MCF2L2: variants seen among roughly 807,000 people sequenced by gnomAD.
MCF2L2 encodes the protein MCF.2 cell line derived transforming sequence-like 2, also known as probable guanine nucleotide exchange factor MCF2L2.
A neutral mutation model predicts 150.2 loss-of-function variants in MCF2L2; 102 were observed. The observed-to-expected ratio is 0.68, with a 90% CI of 0.58 to 0.80. The LOEUF (loss-of-function observed/expected upper bound fraction) is 0.80, where lower values mean the gene tolerates loss of function less well. Among genes scored for constraint, MCF2L2 ranks in the 30% least tolerant of loss-of-function variants. The pLI is 0.00. For synonymous variants in MCF2L2, 465 were observed against 491.3 expected (o/e 0.95, Z 0.71); for missense variants, 1,256 against 1,372.8 (o/e 0.91, Z 1.34).
Position 183,270,760 on chromosome 3 carries a change from C to T in MCF2L2, c.1862+6112G>A. The T allele has an allele frequency of 3.7e-6, 6 of 1,613,674 alleles. No individual in the cohort carries two copies. The highest frequency in any genetic ancestry group is 2.2e-5 in the East Asian group (1 of 44,894). Reference sequence around the variant, plus strand: ...CCCTGCATCTATGAAAAAATGATGACATCTCATGGACACTTAGAAGATCTC... The same window carrying T: ...CCCTGCATCTATGAAAAAATGATGATATCTCATGGACACTTAGAAGATCTC... On this transcript the variant is annotated intron_variant, in intron 15 of 29. Transcript: ENST00000328913. The surrounding 1 kb of genome is among the most constrained non-coding windows in gnomAD (Gnocchi z 4.5).
At chr3:183,279,013 C>T (rs1401087486) in intron 14 of MCF2L2, among the ~76,000 whole-genome samples, 1 of 152,154 alleles carries the variant, frequency 6.6e-6, no homozygotes, top group African/African-American at 2.4e-5. Context: ...ATTGAGGATG[C>T]AATGAGAAGG....
intron 1 of MCF2L2, among the ~76,000 whole-genome samples, chr3:183,419,978 C>A (rs1268250563): frequency 6.6e-6 from 1 of 152,236 alleles, no homozygotes; most frequent in Non-Finnish European, 1.5e-5. Flanking sequence ...AAGGCAGGGG[C>A]AAAATGCCAC....
chr3:183,279,769 G>A (rs1276649919), intron 14 of MCF2L2, among the ~76,000 whole-genome samples: 7 of 152,222 alleles, frequency 4.6e-5, no homozygotes, highest in Non-Finnish European at 7.3e-5. Flanking sequence ...GGTGGCTCAC[G>A]CCTGTAATCC....
chr3:183,202,732 A>G (rs989937440), intron 25 of MCF2L2, among the ~76,000 whole-genome samples: 125 of 152,268 alleles, frequency 8.2e-4, no homozygotes, highest in African/African-American at 3.0e-3. Context: ...AGTTTAGAAA[A>G]GTCACTATAA....
intron 4 of MCF2L2, among the ~76,000 whole-genome samples, chr3:183,339,159 T>C (rs902029335): frequency 6.6e-6 from 1 of 152,210 alleles, no homozygotes. Flanking sequence ...TTTCTGATTA[T>C]AAAAATAATT....
chr3:183,289,131 A>C lies in MCF2L2; in HGVS notation c.1765T>G (p.Phe589Val). The C allele has an allele frequency of 6.2e-7, 1 of 1,612,250 alleles. No homozygotes were observed. Among genetic ancestry groups the C allele is most frequent in the Non-Finnish European group, 8.5e-7 (1 of 1,178,346 alleles). ...AAAGGTAATTTTACCTTGACTTCAAATTTAGTCTCATCATCTTCCTTTCCC... is the reference window on the plus strand; with the variant it reads ...AAAGGTAATTTTACCTTGACTTCAACTTTAGTCTCATCATCTTCCTTTCCC... ...SRGKEDDETK[F>V]EVKSEEIFES... The change falls in exon 14 of 30, where the codon TTT (phenylalanine) becomes GTT (valine). Residue 589 changes from phenylalanine to valine, a missense_variant. Transcript: ENST00000328913.
chr3:183,423,507 T>A (rs1172068413), intron 1 of MCF2L2, among the ~76,000 whole-genome samples: 1 of 151,950 alleles, frequency 6.6e-6, no homozygotes, highest in Admixed American at 6.6e-5. Context: ...TTTAGAACAA[T>A]GATAAGATCA....
Position 183,321,450 on chromosome 3 carries a change from AAAAG to A in MCF2L2, c.603+1781_603+1784del, listed in dbSNP as rs1434926906. On this transcript the variant is annotated intron_variant, in intron 6 of 29. Transcript: ENST00000328913. ...AAGACTCTGTCTCAAAAAAAAAAAA[AAAAG>A]AAAGAAAGAAAAAGAAACCAAATAT... 2.8e-4 allele frequency among the ~76,000 whole-genome samples: 42 copies of A among 151,912 alleles called. 1 individual carries two copies. Among genetic ancestry groups the A allele is most frequent in the African/African-American group, 3.6e-4 (15 of 41,496 alleles).
At chr3:183,366,217 A>T (rs1712511905) in intron 3 of MCF2L2, among the ~76,000 whole-genome samples, 1 of 152,232 alleles carries the variant, frequency 6.6e-6, no homozygotes, top group Non-Finnish European at 1.5e-5. Context: ...TAGCATTGTT[A>T]TCAGTAACAC....
In MCF2L2 at chr3:183,245,513, C is replaced by T. The variant is rs1200724949; in HGVS notation, c.1863-14496G>A. Among the ~76,000 whole-genome samples the T allele has an allele frequency of 1.2e-4, 18 of 152,094 alleles. No homozygotes were observed. In the East Asian group the frequency reaches 3.5e-3, roughly 29 times the overall value. ...GGCCACGAGTGTGGATGAGTGCTGGCCAGGGGAGGTATAGGAGATTGATGG... is the reference window on the plus strand; with the variant it reads ...GGCCACGAGTGTGGATGAGTGCTGGTCAGGGGAGGTATAGGAGATTGATGG... On this transcript the variant is annotated intron_variant, in intron 15 of 29. Coordinates refer to ENST00000328913, the MANE Select transcript of MCF2L2 (RefSeq NM_015078.4).
At chr3:183,387,418 C>A (rs1000726394) in intron 2 of MCF2L2, among the ~76,000 whole-genome samples, 12 of 152,150 alleles carry the variant, frequency 7.9e-5, no homozygotes, top group Non-Finnish European at 1.5e-4. Flanking sequence ...CTCTGTTCTA[C>A]GTTAGGGAGT....
At chr3:183,422,227 A>G (rs923405459) in intron 1 of MCF2L2, among the ~76,000 whole-genome samples, 7 of 152,236 alleles carry the variant, frequency 4.6e-5, no homozygotes, top group Non-Finnish European at 2.9e-5. Flanking sequence ...CAAAGCTACC[A>G]GACTCCTCTT....
chr3:183,386,292 T>C (rs1323206056), intron 2 of MCF2L2, among the ~76,000 whole-genome samples: 1 of 152,174 alleles, frequency 6.6e-6, no homozygotes, highest in Non-Finnish European at 1.5e-5. Flanking sequence ...AAGCCCTGAA[T>C]TTAGAAATAT....
chr3:183,337,597 T>C (rs899681499), intron 5 of MCF2L2, among the ~76,000 whole-genome samples: 6 of 151,588 alleles, frequency 4.0e-5, no homozygotes, highest in African/African-American at 1.5e-4. Flanking sequence ...CTATCAGCCG[T>C]TTCCATTGTG....
rs1721378370 is a variant in MCF2L2, at chr3:183,178,232, C to G, written c.*1148G>C. On this transcript the variant is annotated 3_prime_UTR_variant, in exon 30 of 30. Transcript: ENST00000328913. The stretch of plus-strand genomic sequence containing the variant: ...CTGTAATCCCAGCACTTTGGGAGGC[C>G]GAGGCAGGGGGATCACGAGGTCAGG... 6.6e-6 allele frequency: 1 copy of G among 152,262 alleles called. No individual in the cohort carries two copies. Among genetic ancestry groups the G allele is most frequent in the Admixed American group, 6.5e-5 (1 of 15,292 alleles). 9.4% of individuals were successfully genotyped at this position (152,262 alleles called of 1,614,324 possible).
intron 7 of MCF2L2, among the ~76,000 whole-genome samples, chr3:183,314,245 C>G (rs1318841979): frequency 1.3e-5 from 2 of 152,132 alleles, no homozygotes; most frequent in Non-Finnish European, 2.9e-5. Context: ...TACATTAAGG[C>G]CCAAACTGTA....
intron 1 of MCF2L2, among the ~76,000 whole-genome samples, chr3:183,394,011 G>T (rs1366137623): frequency 6.6e-6 from 1 of 151,948 alleles, no homozygotes; most frequent in Non-Finnish European, 1.5e-5. Context: ...TGATCTGAGG[G>T]GAAAAAAAGA....
At position 183,179,973 on chromosome 3, in the gene MCF2L2, G is replaced by A. The variant is rs1721461033; in HGVS notation, c.3105+98C>T. The A allele has an allele frequency of 9.9e-7, 1 of 1,009,300 alleles. No individual in the cohort carries two copies. The highest frequency in any genetic ancestry group is 1.5e-6 in the Non-Finnish European group (1 of 647,706). The allele number at this position is 1,009,300 out of a possible 1,614,324, so 62.5% of individuals were successfully genotyped here. ...AGGTCCTTATGGGTGAGAATCCTGA[G>A]GAGGGGGAGAGGGATGGAGGCTAGG... On this transcript the variant is annotated intron_variant, in intron 28 of 29. Coordinates refer to ENST00000328913, the MANE Select transcript of MCF2L2 (RefSeq NM_015078.4). The surrounding 1 kb of genome is among the most constrained non-coding windows in gnomAD (Gnocchi z 4.2).
intron 1 of MCF2L2, among the ~76,000 whole-genome samples, chr3:183,394,190 C>T (rs1577119735): frequency 6.6e-6 from 1 of 152,170 alleles, no homozygotes; most frequent in African/African-American, 2.4e-5. Flanking sequence ...TAGATCTCAA[C>T]AACTGAGTTT....
Sources: gnomAD v4.1 joint callset for allele counts (sites outside exome capture counted in the v4.1 genomes callset) on GRCh38, gnomAD v4.1.1 for gene constraint, Gnocchi (gnomAD v3.1) non-coding constraint, MANE v1.5 for transcripts, NCBI Gene and HGNC (gene_info 2026-07-23, HGNC 2026-07-21) for gene names.